Variants in SLC35A2 observed in about 807,000 individuals in gnomAD.
SLC35A2 encodes the protein solute carrier family 35 member A2, also known as UDP-galactose translocator.
In SLC35A2, 1 loss-of-function variant was observed where a neutral mutation model predicts 17.3. The ratio of observed to expected loss-of-function variants is 0.06; its 90% CI spans 0.02 to 0.27. SLC35A2 has a LOEUF of 0.27. SLC35A2 is among the 10% of genes least tolerant of loss of function. SLC35A2 has a pLI of 1.00. For missense variants in SLC35A2, 191 were observed against 339.3 expected (o/e 0.56, Z 3.43); for synonymous variants, 161 against 161.3 (o/e 1.00, Z 0.01).
rs2063485082 is a variant in SLC35A2, at chrX:48,905,585, A to G, written c.427-103T>C. ...GGGCCCCCAGGCACAATGGAGGGACAGGGTGGGGGGTATGACAGCAAAAAC... is the reference window on the plus strand; with the variant it reads ...GGGCCCCCAGGCACAATGGAGGGACGGGGTGGGGGGTATGACAGCAAAAAC... On this transcript the variant is annotated intron_variant, in intron 3 of 4. Coordinates refer to ENST00000247138, the MANE Select transcript of SLC35A2 (RefSeq NM_005660.3). 20 of 796,531 alleles carry G rather than the reference A, an allele frequency of 2.5e-5. No homozygotes were observed. In the South Asian group the frequency reaches 5.8e-4, roughly 23 times the overall value. The allele number at this position is 796,531 out of a possible 1,213,427, so 65.6% of individuals were successfully genotyped here. A position where few individuals can be genotyped will look rare whatever the true frequency, so the allele number is the denominator to read the frequency against.
Position 48,906,483 on chromosome X carries a change from G to A in SLC35A2, c.335C>T (p.Thr112Met), listed in dbSNP as rs1557043139. 1 of 1,208,711 alleles carries A rather than the reference G, an allele frequency of 8.3e-7. No individual in the cohort carries two copies. Among genetic ancestry groups the A allele is most frequent in the East Asian group, 3.0e-5 (1 of 33,793 alleles). ...HEAVLVQYVD[T>M]LKLAVPSLIY... ...GAGAGAGGGCACTGCGAGCTTGAGC[G>A]TGTCCACATACTGCACCAGGACAGC... Residue 112 changes from threonine to methionine, a missense_variant, in exon 3 of 5, where the codon ACG becomes ATG. Transcript: ENST00000247138.
chrX:48,905,111 C>T lies in SLC35A2; in HGVS notation c.798G>A (p.Gly266=). The part of the protein sequence containing the change: ...TAVATRGFFF[G]YTPAVWGVVL... ...CCACGCCCCAGACAGCAGGTGTGTA[C>T]CCAAAAAAGAAACCACGGGTGGCCA... is the stretch of plus-strand genomic sequence containing the variant. Residue 266 remains glycine (G), a synonymous_variant, in exon 4 of 5, where the codon GGG becomes GGA. Coordinates refer to ENST00000247138, the MANE Select transcript of SLC35A2 (RefSeq NM_005660.3). 1 of 1,210,818 alleles carries T rather than the reference C, an allele frequency of 8.3e-7. No individual in the cohort carries two copies. Among genetic ancestry groups the T allele is most frequent in the Non-Finnish European group, 1.1e-6 (1 of 895,005 alleles).
At chrX:48,903,637 G>T in intron 4 of SLC35A2, 172 bp from the exon 5 acceptor site, 1 of 664,737 alleles carries the variant, frequency 1.5e-6, no homozygotes, top group Non-Finnish European at 2.2e-6. Context: ...ATCTTTATTT[G>T]GCATTGGATA....
intron 4 of SLC35A2, chrX:48,903,914 T>C (rs782547017): frequency 8.9e-5 from 68 of 765,607 alleles, no homozygotes; most frequent in Non-Finnish European, 1.1e-4. Context: ...AAGAGTATGA[T>C]TGGTAGCTTT....
intron 4 of SLC35A2, chrX:48,904,251 G>A: frequency 1.1e-6 from 1 of 904,357 alleles, no homozygotes; most frequent in Non-Finnish European, 1.4e-6. Context: ...CGGTGGTAAG[G>A]GAGGAGAGAA....
intron 2 of SLC35A2, among the ~76,000 whole-genome samples, chrX:48,908,800 T>C: frequency 8.9e-6 from 1 of 112,134 alleles, no homozygotes; most frequent in East Asian, 2.8e-4. Context: ...AACAGGTGGG[T>C]GAGAATATTC....
chrX:48,911,779 C>T, upstream of SLC35A2: 1 of 1,166,954 alleles, frequency 8.6e-7, no homozygotes, highest in African/African-American at 1.8e-5. Context: ...CTCCTAAAAG[C>T]TCAATGTATG....
At position 48,910,207 on chromosome X, in the gene SLC35A2, T is replaced by A. The variant is rs375350757; in HGVS notation, c.92-211A>T. The A allele has an allele frequency of 2.7e-5, 29 of 1,073,415 alleles. 1 individual carries two copies. In the East Asian group the frequency reaches 4.3e-4, roughly 16 times the overall value. 88.5% of individuals were successfully genotyped at this position (1,073,415 alleles called of 1,213,427 possible). Reference sequence around the variant, plus strand: ...AGCAGGAAGAGCCAGAAGGGAGAAATGGGCCCCACCCTGTCCCAGTCCATA... The same window carrying A: ...AGCAGGAAGAGCCAGAAGGGAGAAAAGGGCCCCACCCTGTCCCAGTCCATA... On this transcript the variant is annotated intron_variant, in intron 1 of 4. Coordinates refer to ENST00000247138, the MANE Select transcript of SLC35A2 (RefSeq NM_005660.3).
In SLC35A2 at chrX:48,911,559, C is replaced by G; in HGVS notation, c.78G>C (p.Gly26=). Residue 26 remains glycine, a synonymous_variant, in exon 1 of 5, where the codon GGG becomes GGC. Coordinates refer to ENST00000247138, the MANE Select transcript of SLC35A2 (RefSeq NM_005660.3). Reference sequence around the variant, plus strand: ...AGACTGTCTCACCCGCACTGGCGGTCCCCGGCTCCAATGCACCCGCGGAAA... The same window carrying G: ...AGACTGTCTCACCCGCACTGGCGGTGCCCGGCTCCAATGCACCCGCGGAAA... ...GAVSAGALEP[G]TASAAHRRLK... 1 of 1,162,893 alleles carries G rather than the reference C, an allele frequency of 8.6e-7. No homozygotes were observed. Among genetic ancestry groups the G allele is most frequent in the East Asian group, 3.2e-5 (1 of 30,966 alleles).
intron 3 of SLC35A2, chrX:48,905,758 TGCCCTGTCTGA>T (rs1412264673): frequency 1.8e-5 from 6 of 337,865 alleles, no homozygotes; most frequent in African/African-American, 1.3e-4. Context: ...ACAAAGCACT[TGCCCTGTCTGA>T]GCCCTGGCAT....
chrX:48,908,118 C>T (rs1356807480), intron 2 of SLC35A2, among the ~76,000 whole-genome samples: 2 of 13,057 alleles, frequency 1.5e-4, no homozygotes, highest in African/African-American at 6.5e-4. Context: ...TTTTTTTTGG[C>T]GGGGCGGGGT....
rs1158817210 is a variant in SLC35A2 at position 48,905,522 on chromosome X, G to A, written c.427-40C>T. 3.6e-6 allele frequency: 4 copies of A among 1,098,629 alleles called. No individual in the cohort carries two copies. In the African/African-American group the frequency reaches 7.3e-5, roughly 20 times the overall value. 90.5% of individuals were successfully genotyped at this position (1,098,629 alleles called of 1,213,427 possible). ...TGGAAGGCACTGAGGGCTGACCCTG[G>A]CCCCCAACAGGTGCACATGGGGGGC... On this transcript the variant is annotated intron_variant, in intron 3 of 4. Coordinates refer to ENST00000247138, the MANE Select transcript of SLC35A2 (RefSeq NM_005660.3).
chrX:48,911,773 T>C, upstream of SLC35A2: 1 of 1,166,440 alleles, frequency 8.6e-7, no homozygotes, highest in Non-Finnish European at 1.1e-6. Flanking sequence ...CCTCCGCTCC[T>C]AAAAGCTCAA....
intron 3 of SLC35A2, 67 bp downstream of exon 3, chrX:48,906,325 G>A (rs782642811): frequency 2.3e-5 from 24 of 1,033,671 alleles, no homozygotes; most frequent in Non-Finnish European, 2.7e-5. Context: ...CCCCCACCAC[G>A]CTATTCCCAT....
intron 2 of SLC35A2, among the ~76,000 whole-genome samples, chrX:48,908,360 TGCCTCTCG>T (rs2063507464): frequency 2.7e-5 from 3 of 110,995 alleles, no homozygotes; most frequent in Non-Finnish European, 3.8e-5. Context: ...GTGATCCACC[TGCCTCTCG>T]GCCTCCCAAA....
At position 48,904,847 on chromosome X, in the gene SLC35A2, G is replaced by GGAGGCA. The variant is rs781977360; in HGVS notation, c.1056_1061dup (p.Ala355_Ser356dup). On this transcript the variant is annotated inframe_insertion, in exon 4 of 5. Coordinates refer to ENST00000247138, the MANE Select transcript of SLC35A2 (RefSeq NM_005660.3). ...GCTGGTGAACGCAGGGCCCGGAGGC[G>GGAGGCA]GAGGCAGAGGCAGAGGCTATGGCTT... 6.6e-6 allele frequency: 8 copies of GGAGGCA among 1,211,638 alleles called. No homozygotes were observed. The highest frequency in any genetic ancestry group is 3.5e-5 in the African/African-American group (2 of 57,883).
chrX:48,907,630 C>A (rs1406225202), intron 2 of SLC35A2, among the ~76,000 whole-genome samples: 1 of 112,463 alleles, frequency 8.9e-6, no homozygotes, highest in Non-Finnish European at 1.9e-5. Flanking sequence ...CTTGTTGCAT[C>A]TTTCTGTCAG....
chrX:48,911,707 G>C, upstream of SLC35A2: 1 of 1,154,289 alleles, frequency 8.7e-7, no homozygotes, highest in East Asian at 3.3e-5. Flanking sequence ...TCCGCTGCCG[G>C]GCCACCTGAG....
In SLC35A2 at chrX:48,903,340, A is replaced by G. The variant is rs782410334; in HGVS notation, c.*98T>C. On this transcript the variant is annotated 3_prime_UTR_variant, in exon 5 of 5. Transcript: ENST00000247138. ...GGTGGGGACAGGGAGTCCAGTGTCT[A>G]CCTCACTCTACCCCTAATACTGATC... 5.2e-6 allele frequency: 3 copies of G among 572,972 alleles called. No individual in the cohort carries two copies. Among genetic ancestry groups the G allele is most frequent in the Non-Finnish European group, 9.4e-6 (3 of 320,724 alleles). 47.2% of individuals were successfully genotyped at this position (572,972 alleles called of 1,213,427 possible). A position where few individuals can be genotyped will look rare whatever the true frequency, so the allele number is the denominator to read the frequency against.
Sources: allele counts gnomAD v4.1 joint callset (sites outside exome capture counted in the v4.1 genomes callset), GRCh38; gene constraint gnomAD v4.1.1; transcripts MANE v1.5; gene names NCBI Gene and HGNC (gene_info 2026-07-23, HGNC 2026-07-21).